Variants in CLEC7A observed in about 807,000 individuals in gnomAD.
CLEC7A encodes the protein C-type lectin domain containing 7A.
Under a neutral mutation model 26.9 loss-of-function variants are expected in CLEC7A, and 25 were observed. The observed-to-expected ratio is 0.93, with a 90% CI of 0.68 to 1.30. CLEC7A has a LOEUF of 1.30. CLEC7A is among the 50% of genes most tolerant of loss of function. The probability of loss-of-function intolerance (pLI) is 0.00; values close to 1 mark genes in which losing one functional copy is unlikely to be tolerated. For missense variants in CLEC7A, 275 were observed against 286.7 expected (o/e 0.96, Z 0.29); for synonymous variants, 100 against 99.5 (o/e 1.01, Z -0.03).
At chr12:10,120,798 A>G (rs1193511711) in intron 5 of CLEC7A, among the ~76,000 whole-genome samples, 1 of 146,746 alleles carries the variant, frequency 6.8e-6, no homozygotes, top group Non-Finnish European at 1.5e-5. Context: ...TCAGTCACCC[A>G]GGCTGGAGTG....
In CLEC7A at chr12:10,126,552, C is replaced by G. The variant is rs1367530130; in HGVS notation, c.340+19G>C. The G allele has an allele frequency of 4.4e-6, 7 of 1,596,286 alleles. No homozygotes were observed. Among genetic ancestry groups the G allele is most frequent in the Middle Eastern group, 1.7e-4 (1 of 6,002 alleles). On this transcript the variant is annotated intron_variant, in intron 3 of 5. Coordinates refer to ENST00000304084, the MANE Select transcript of CLEC7A (RefSeq NM_197947.3). ...TAACCCTCTTGAGTCAAGATTCCGTCCTTTAACTATGCCCTTGCCTGTGGT... is the reference window on the plus strand; with the variant it reads ...TAACCCTCTTGAGTCAAGATTCCGTGCTTTAACTATGCCCTTGCCTGTGGT...
chr12:10,118,196 T>C lies in CLEC7A; in HGVS notation c.*262A>G. On this transcript the variant is annotated 3_prime_UTR_variant, in exon 6 of 6. Transcript: ENST00000304084. ...ACCCTATCTCAAAAAAATAAATAAA[T>C]AAAAAATAAAAACTCAAGCTTGGCT... 1 of 360,108 alleles carries C rather than the reference T, an allele frequency of 2.8e-6. No individual in the cohort carries two copies. The highest frequency in any genetic ancestry group is 5.0e-6 in the Non-Finnish European group (1 of 201,222). The allele number at this position is 360,108 out of a possible 1,614,324, so 22.3% of individuals were successfully genotyped here. A position where few individuals can be genotyped will look rare whatever the true frequency, so the allele number is the denominator to read the frequency against.
intron 4 of CLEC7A, 58 bp from the exon 5 acceptor site, chr12:10,123,421 T>G: frequency 1.6e-5 from 16 of 1,001,656 alleles, no homozygotes; most frequent in Non-Finnish European, 2.2e-5. Context: ...AGAAAGAAAC[T>G]ATTATCATGG....
At chr12:10,127,021 A>C in intron 2 of CLEC7A, 3 of 1,396,018 alleles carry the variant, frequency 2.1e-6, no homozygotes, top group Non-Finnish European at 2.8e-6. Flanking sequence ...GACAGATTTG[A>C]AATAGCAACA....
rs1947961599 is a variant in CLEC7A, at chr12:10,117,983, C to T, written c.*475G>A. ...TTGGGAGGCCAAGGCGGGCAGATCA[C>T]TTAAGCCCAGGAGTTAGAGACCAGC... On this transcript the variant is annotated 3_prime_UTR_variant, in exon 6 of 6. Transcript: ENST00000304084. The T allele has an allele frequency of 6.4e-6, 1 of 155,120 alleles. No individual in the cohort carries two copies. Among genetic ancestry groups the T allele is most frequent in the South Asian group, 1.9e-4 (1 of 5,248 alleles). 9.6% of individuals were successfully genotyped at this position (155,120 alleles called of 1,614,324 possible).
Position 10,130,174 on chromosome 12 carries a change from G to T in CLEC7A, c.-92C>A. The T allele has an allele frequency of 1.5e-6, 1 of 647,872 alleles. No homozygotes were observed. Among genetic ancestry groups the T allele is most frequent in the South Asian group, 1.8e-5 (1 of 55,944 alleles). The allele number at this position is 647,872 out of a possible 1,614,324, so 40.1% of individuals were successfully genotyped here. A position where few individuals can be genotyped will look rare whatever the true frequency, so the allele number is the denominator to read the frequency against. On this transcript the variant is annotated 5_prime_UTR_variant, in exon 1 of 6. Transcript: ENST00000304084. ...TGTCTGTGGACAAAAGAGAATCTCT[G>T]AGTCAAATCATGTGGGCTAGGTACT... is the stretch of plus-strand genomic sequence containing the variant.
At chr12:10,127,111 A>G (rs1948316438) in intron 2 of CLEC7A, 2 of 1,265,724 alleles carry the variant, frequency 1.6e-6, no homozygotes, top group East Asian at 3.4e-5. Flanking sequence ...AACGCACTCA[A>G]TAAACATTTG....
At chr12:10,122,130 A>G (rs539600406) in intron 5 of CLEC7A, among the ~76,000 whole-genome samples, 21 of 152,370 alleles carry the variant, frequency 1.4e-4, no homozygotes, top group African/African-American at 4.3e-4. Flanking sequence ...ACTTTCTTTG[A>G]AAAACCAAAT....
chr12:10,125,549 A>C, intron 3 of CLEC7A, 101 bp from the exon 4 acceptor site: 1 of 922,486 alleles, frequency 1.1e-6, no homozygotes, highest in African/African-American at 1.7e-5. Context: ...ATAACCAATT[A>C]GTTGCCATTT....
In CLEC7A at chr12:10,117,602, A is replaced by C. The variant is rs1947952222; in HGVS notation, c.*856T>G. 1 of 151,894 alleles carries C rather than the reference A, an allele frequency of 6.6e-6. No individual in the cohort carries two copies. The highest frequency in any genetic ancestry group is 2.4e-5 in the African/African-American group (1 of 41,292). The allele number at this position is 151,894 out of a possible 1,614,324, so 9.4% of individuals were successfully genotyped here. ...TACTCTCTGAGCTATTTAATTGATA[A>C]AGAAAAAGTAGGAGTTCCTGCTTTT... is the stretch of plus-strand genomic sequence containing the variant. On this transcript the variant is annotated 3_prime_UTR_variant, in exon 6 of 6. Transcript: ENST00000304084.
Position 10,116,934 on chromosome 12 carries a change from C to A in CLEC7A, c.*1524G>T, listed in dbSNP as rs1393377409. ...GCCTCCCTAGTAATACAGAAATATC[C>A]ATTGGAAATAAAAATAGCACCAGTG... On this transcript the variant is annotated 3_prime_UTR_variant, in exon 6 of 6. Coordinates refer to ENST00000304084, the MANE Select transcript of CLEC7A (RefSeq NM_197947.3). 1 of 151,500 alleles carries A rather than the reference C, an allele frequency of 6.6e-6. No individual in the cohort carries two copies. The highest frequency in any genetic ancestry group is 1.5e-5 in the Non-Finnish European group (1 of 67,940). The allele number at this position is 151,500 out of a possible 1,614,324, so 9.4% of individuals were successfully genotyped here. A position where few individuals can be genotyped will look rare whatever the true frequency, so the allele number is the denominator to read the frequency against.
intron 5 of CLEC7A, 50 bp downstream of exon 5, chr12:10,123,195 G>T: frequency 8.1e-7 from 1 of 1,227,054 alleles, no homozygotes; most frequent in Non-Finnish European, 1.2e-6. Context: ...TAGATGAGAT[G>T]GAAACCTCTC....
In CLEC7A at chr12:10,118,360, T is replaced by C; in HGVS notation, c.*98A>G. On this transcript the variant is annotated 3_prime_UTR_variant, in exon 6 of 6. Transcript: ENST00000304084. The stretch of plus-strand genomic sequence containing the variant: ...AGTTGGCCAAGCTCTCTAAACATTT[T>C]CTGCATTTATCTTGACCTCAGCTGT... 2 of 1,165,178 alleles carry C rather than the reference T, an allele frequency of 1.7e-6. No individual in the cohort carries two copies. The highest frequency in any genetic ancestry group is 2.5e-6 in the Non-Finnish European group (2 of 805,966). 72.2% of individuals were successfully genotyped at this position (1,165,178 alleles called of 1,614,324 possible).
In CLEC7A at chr12:10,123,271, C is replaced by T. The variant is rs1948154887; in HGVS notation, c.585G>A (p.Glu195=). The change falls in exon 5 of 6, where the codon GAG becomes GAA. Residue 195 remains glutamate (E), a synonymous_variant. Transcript: ENST00000304084. ...AGTTAGAAGAGAATGTTGATCCATC[C>T]TCCCAGAGCCATGGTACCTCAGTCT... ...RPQTEVPWLW[E]DGSTFSSNLF... The T allele has an allele frequency of 6.2e-7, 1 of 1,609,778 alleles. No homozygotes were observed. Among genetic ancestry groups the T allele is most frequent in the African/African-American group, 1.3e-5 (1 of 74,938 alleles).
At chr12:10,119,502 T>C (rs1316261791) in intron 5 of CLEC7A, among the ~76,000 whole-genome samples, 1 of 152,202 alleles carries the variant, frequency 6.6e-6, no homozygotes, top group Non-Finnish European at 1.5e-5. Context: ...AATGTTAACT[T>C]GGGCCCACTT....
intron 5 of CLEC7A, 77 bp from the exon 6 acceptor site, chr12:10,118,667 G>C: frequency 2.4e-6 from 3 of 1,254,464 alleles, no homozygotes; most frequent in Non-Finnish European, 3.4e-6. Flanking sequence ...AAATAAATTA[G>C]TAAGGATATT....
chr12:10,127,798 C>T lies in CLEC7A; in HGVS notation c.151G>A (p.Gly51Arg). 6.3e-7 allele frequency: 1 copy of T among 1,585,280 alleles called. No individual in the cohort carries two copies. Among genetic ancestry groups the T allele is most frequent in the South Asian group, 1.2e-5 (1 of 86,910 alleles). The change falls in exon 2 of 6, where the codon GGA (glycine) becomes AGA (arginine). Residue 51 changes from glycine (G) to arginine (R), a missense_variant. By Grantham distance (125) the Gly-to-Arg change is moderately radical (BLOSUM62 -2). Coordinates refer to ENST00000304084, the MANE Select transcript of CLEC7A (RefSeq NM_197947.3). ...PPWRLIAVIL[G>R]ILCLVILVIA... ...ACCAGTATTACCAAGCATAGGATTC[C>T]CAAAATTACAGCAATGAGGCGCCAA...
intron 5 of CLEC7A, 130 bp from the exon 6 acceptor site, chr12:10,118,720 G>T: frequency 1.4e-6 from 1 of 711,396 alleles, no homozygotes; most frequent in Non-Finnish European, 2.2e-6. Flanking sequence ...GGAAAAGGAG[G>T]CTTAAATCTA....
chr12:10,125,223 C>A, intron 4 of CLEC7A, 74 bp downstream of exon 4: 40 of 1,122,876 alleles, frequency 3.6e-5, no homozygotes, highest in Admixed American at 6.2e-5. Context: ...GAAAAATTGT[C>A]ATTACCTGGA....
Sources: allele counts gnomAD v4.1 joint callset (sites outside exome capture counted in the v4.1 genomes callset), GRCh38; gene constraint gnomAD v4.1.1; transcripts MANE v1.5; gene names NCBI Gene and HGNC (gene_info 2026-07-23, HGNC 2026-07-21).